Variants in SHCBP1L observed in about 807,000 individuals in gnomAD.
SHCBP1L encodes SHC binding and spindle associated 1 like, also known as testicular spindle-associated protein SHCBP1L.
A neutral mutation model predicts 62.5 loss-of-function variants in SHCBP1L; 67 were observed. The observed-to-expected ratio is 1.07, with a 90% CI of 0.88 to 1.31. The LOEUF (loss-of-function observed/expected upper bound fraction) is 1.31, where lower values mean the gene tolerates loss of function less well. Ranked by LOEUF, SHCBP1L falls within the 40% of genes most tolerant of loss-of-function variation. SHCBP1L has a pLI of 0.00. For synonymous variants in SHCBP1L, 284 were observed against 289.4 expected, an observed-to-expected ratio of 0.98 and a Z score of 0.19; for missense variants, 823 against 809.8, an observed-to-expected ratio of 1.02 and a Z score of -0.20.
chr1:182,901,872 C>G (rs1298831873), intron 9 of SHCBP1L, among the ~76,000 whole-genome samples: 2 of 151,978 alleles, frequency 1.3e-5, no homozygotes, highest in Admixed American at 1.3e-4. Context: ...CAGGCTTTAC[C>G]CTAGGCCTAC....
At chr1:182,931,823 A>T (rs563568397) in intron 5 of SHCBP1L, among the ~76,000 whole-genome samples, 2 of 152,062 alleles carry the variant, frequency 1.3e-5, no homozygotes, top group South Asian at 4.1e-4. Context: ...GTTGTCCATT[A>T]TAGGAGTTTG....
At chr1:182,908,044 T>C (rs1435104698) in intron 6 of SHCBP1L, among the ~76,000 whole-genome samples, 1 of 152,010 alleles carries the variant, frequency 6.6e-6, no homozygotes, top group Admixed American at 6.5e-5. Flanking sequence ...CATATGCCAA[T>C]CAATCATACC....
chr1:182,945,078 C>T (rs1156235277), intron 2 of SHCBP1L, among the ~76,000 whole-genome samples: 2 of 151,138 alleles, frequency 1.3e-5, no homozygotes, highest in Non-Finnish European at 2.9e-5. Context: ...ATTCTCCTGC[C>T]TCAGCCTCCC....
intron 2 of SHCBP1L, chr1:182,942,147 G>C: frequency 1.1e-6 from 1 of 935,460 alleles, no homozygotes; most frequent in Non-Finnish European, 1.8e-6. Context: ...TCAGAGGCTG[G>C]ACTCTCCTCA....
Position 182,939,489 on chromosome 1 carries a change from G to A in SHCBP1L, c.835C>T (p.Leu279Phe). 3 of 1,608,004 alleles carry A rather than the reference G, an allele frequency of 1.9e-6. No homozygotes were observed. Among genetic ancestry groups the A allele is most frequent in the Non-Finnish European group, 2.5e-6 (3 of 1,177,420 alleles). ...TACAAATTAATTCTTTCTTCAATAA[G>A]TGCAGTATAATTCTCACAACTTTCT... ...DEESCENYTA[L>F]IEERINLWCD... is the part of the protein sequence containing the mutation. Residue 279 changes from leucine to phenylalanine, a missense_variant, in exon 4 of 10, where the codon CTT becomes TTT. By Grantham distance (22) the Leu-to-Phe change is conservative. Coordinates refer to ENST00000367547, the MANE Select transcript of SHCBP1L (RefSeq NM_030933.4).
At chr1:182,912,005 C>T (rs1261409513) in intron 6 of SHCBP1L, among the ~76,000 whole-genome samples, 2 of 152,226 alleles carry the variant, frequency 1.3e-5, no homozygotes, top group Non-Finnish European at 2.9e-5. Flanking sequence ...GTCCTTATTA[C>T]AGCTTTTTGT....
intron 9 of SHCBP1L, 53 bp downstream of exon 9, chr1:182,902,986 T>C: frequency 7.2e-7 from 1 of 1,390,686 alleles, no homozygotes; most frequent in Non-Finnish European, 9.6e-7. Flanking sequence ...TTTTAGTACT[T>C]ATAATTACTT....
chr1:182,929,553 A>T (rs1296798686), intron 6 of SHCBP1L, 94 bp downstream of exon 6: 1 of 652,344 alleles, frequency 1.5e-6, no homozygotes, highest in Non-Finnish European at 2.5e-6. Context: ...ATAAGGCATT[A>T]ATGATTAGAC....
intron 2 of SHCBP1L, among the ~76,000 whole-genome samples, chr1:182,946,649 T>A (rs1316574036): frequency 6.6e-6 from 1 of 152,194 alleles, no homozygotes; most frequent in African/African-American, 2.4e-5. Flanking sequence ...CCAAATTTGG[T>A]AAATTTTCTG....
chr1:182,946,059 T>TAAA (rs1392288364), intron 2 of SHCBP1L, among the ~76,000 whole-genome samples: 1 of 127,880 alleles, frequency 7.8e-6, no homozygotes. Context: ...GACTCCGTCT[T>TAAA]AAAAAAAAAA....
At chr1:182,946,721 A>G (rs570012367) in intron 2 of SHCBP1L, among the ~76,000 whole-genome samples, 3 of 152,316 alleles carry the variant, frequency 2.0e-5, no homozygotes, top group African/African-American at 7.2e-5. Context: ...CTCTGAAGAC[A>G]TGAATGCTAG....
Position 182,944,909 on chromosome 1 carries a change from C to A in SHCBP1L, c.556-4366G>T, listed in dbSNP as rs544020979. ...CTGCAAAAAACGTTTTCCCAGCAGT[C>A]AATAATTGTATTGCTTTTCATTTGC... is the stretch of plus-strand genomic sequence containing the variant. On this transcript the variant is annotated intron_variant, in intron 2 of 9. Coordinates refer to ENST00000367547, the MANE Select transcript of SHCBP1L (RefSeq NM_030933.4). Among the ~76,000 whole-genome samples, 192 of 150,062 alleles carry A rather than the reference C, an allele frequency of 1.3e-3. 1 individual carries two copies. The highest frequency in any genetic ancestry group is 4.5e-3 in the African/African-American group (186 of 41,014).
intron 3 of SHCBP1L, 36 bp downstream of exon 3, chr1:182,940,293 A>G: frequency 6.5e-7 from 1 of 1,546,128 alleles, no homozygotes; most frequent in Non-Finnish European, 8.8e-7. Context: ...TTTTGGATAT[A>G]ATAAATTTAA....
chr1:182,901,229 G>C (rs577851613), intron 9 of SHCBP1L, among the ~76,000 whole-genome samples: 1 of 151,988 alleles, frequency 6.6e-6, no homozygotes, highest in African/African-American at 2.4e-5. Flanking sequence ...AGGCAGAGGC[G>C]GGCGGATCAC....
At chr1:182,907,496 G>GA (rs979282634) in intron 6 of SHCBP1L, among the ~76,000 whole-genome samples, 5 of 150,096 alleles carry the variant, frequency 3.3e-5, no homozygotes, top group African/African-American at 4.9e-5. Context: ...AATATATTCT[G>GA]AAAAAATGCC....
At chr1:182,909,039 G>A (rs1209430147) in intron 6 of SHCBP1L, among the ~76,000 whole-genome samples, 1 of 152,122 alleles carries the variant, frequency 6.6e-6, no homozygotes, top group Admixed American at 6.5e-5. Flanking sequence ...AAACTCATTT[G>A]TGCAGGTATT....
chr1:182,928,531 AG>A (rs1650857290), intron 6 of SHCBP1L, among the ~76,000 whole-genome samples: 1 of 152,202 alleles, frequency 6.6e-6, no homozygotes, highest in African/African-American at 2.4e-5. Flanking sequence ...ATTTAAATCA[AG>A]ACCTGAAGGA....
intron 2 of SHCBP1L, among the ~76,000 whole-genome samples, chr1:182,949,093 G>T (rs1459201196): frequency 3.3e-5 from 5 of 152,070 alleles, no homozygotes; most frequent in African/African-American, 1.2e-4. Flanking sequence ...GAACTTTAAG[G>T]TTACCTAATC....
chr1:182,924,780 GAAAGAAAGAGAGAA>G (rs1650651885), intron 6 of SHCBP1L, among the ~76,000 whole-genome samples: 4 of 94,810 alleles, frequency 4.2e-5, no homozygotes, highest in Non-Finnish European at 7.2e-5. Context: ...AAGAAAGAAA[GAAAGAAAGAGAGAA>G]AGAAAGGAAG....
Sources: allele counts gnomAD v4.1 joint callset (sites outside exome capture counted in the v4.1 genomes callset), GRCh38; gene constraint gnomAD v4.1.1; transcripts MANE v1.5; gene names NCBI Gene and HGNC (gene_info 2026-07-23, HGNC 2026-07-21).